SEMA3A: variants seen among roughly 807,000 people sequenced by gnomAD.
The protein encoded by SEMA3A is semaphorin-3A.
In SEMA3A, 29 loss-of-function variants were observed where a neutral mutation model predicts 97.9. That is an observed-to-expected ratio of 0.30 (90% CI 0.22 to 0.40). The LOEUF (loss-of-function observed/expected upper bound fraction) is 0.40. Ranked by LOEUF, SEMA3A falls within the 10% of genes least tolerant of loss-of-function variation. SEMA3A has a pLI of 1.00. For missense variants in SEMA3A, 763 were observed against 951.3 expected, an observed-to-expected ratio of 0.80 and a Z score of 2.60; for synonymous variants, 321 against 323.7, an observed-to-expected ratio of 0.99 and a Z score of 0.09.
At chr7:84,300,881 C>T (rs1457900060) in intron 3 of SEMA3A, among the ~76,000 whole-genome samples, 3 of 152,016 alleles carry the variant, frequency 2.0e-5, no homozygotes, top group African/African-American at 7.2e-5. Flanking sequence ...GAAAAGTACA[C>T]AATGTGAGTG....
chr7:84,411,943 T>C (rs986909821), intron 1 of SEMA3A, among the ~76,000 whole-genome samples: 2 of 152,160 alleles, frequency 1.3e-5, no homozygotes, highest in African/African-American at 4.8e-5. Context: ...CATTCTTTTG[T>C]GGTTCTTCCT....
chr7:84,095,060 A>G (rs990032737), intron 4 of SEMA3A, among the ~76,000 whole-genome samples: 3 of 150,180 alleles, frequency 2.0e-5, no homozygotes, highest in Non-Finnish European at 4.4e-5. Context: ...CAAAATATAT[A>G]CTGTATATAG....
chr7:84,165,072 G>A (rs544801839), intron 1 of SEMA3A, among the ~76,000 whole-genome samples: 2 of 152,238 alleles, frequency 1.3e-5, no homozygotes, highest in African/African-American at 2.4e-5. Flanking sequence ...GCCAGGCATA[G>A]TGGCACGTGC....
chr7:83,987,183 T>C (rs1331589381), intron 12 of SEMA3A, among the ~76,000 whole-genome samples: 1 of 151,600 alleles, frequency 6.6e-6, no homozygotes, highest in Non-Finnish European at 1.5e-5. Flanking sequence ...TCACACATCC[T>C]AAAGCAGAAT....
chr7:84,432,534 C>G (rs2116321908), intron 1 of SEMA3A, among the ~76,000 whole-genome samples: 1 of 152,244 alleles, frequency 6.6e-6, no homozygotes, highest in Middle Eastern at 3.4e-3. Context: ...CCCTTCACAT[C>G]TCCCTCCCTC....
At chr7:84,173,778 A>G (rs1797473491) in intron 1 of SEMA3A, among the ~76,000 whole-genome samples, 1 of 152,052 alleles carries the variant, frequency 6.6e-6, no homozygotes, top group Non-Finnish European at 1.5e-5. Context: ...GCAGATTGGG[A>G]ACTGGGCCAC....
At chr7:83,971,239 A>G (rs1478779051) in intron 15 of SEMA3A, among the ~76,000 whole-genome samples, 1 of 152,098 alleles carries the variant, frequency 6.6e-6, no homozygotes, top group East Asian at 1.9e-4. Context: ...AGCCTGACCA[A>G]CGTGATGAAA....
At chr7:84,195,383 C>T (rs1197955689), upstream of SEMA3A, 3 of 151,944 alleles carry the variant, frequency 2.0e-5, no homozygotes, top group African/African-American at 7.3e-5. Context: ...AATTCATGCT[C>T]ATTATACAAT....
intron 11 of SEMA3A, among the ~76,000 whole-genome samples, chr7:84,003,406 C>G (rs556868684): frequency 5.9e-5 from 9 of 152,112 alleles, no homozygotes; most frequent in Non-Finnish European, 1.0e-4. Context: ...CAAATTGAAT[C>G]AGATTACTCA....
intron 1 of SEMA3A, among the ~76,000 whole-genome samples, chr7:84,172,235 T>C (rs1246343044): frequency 1.3e-5 from 2 of 152,188 alleles, no homozygotes; most frequent in South Asian, 2.1e-4. Context: ...ATAAATATTT[T>C]TGACACTCTA....
rs1278503811 is a variant in SEMA3A, at chr7:84,168,097, G to A, written c.112+26378C>T. Among the ~76,000 whole-genome samples, 3 of 151,958 alleles carry A rather than the reference G, an allele frequency of 2.0e-5. No individual in the cohort carries two copies. In the South Asian group the frequency reaches 6.2e-4, roughly 32 times the overall value. On this transcript the variant is annotated intron_variant, in intron 1 of 16. Coordinates refer to ENST00000265362, the MANE Select transcript of SEMA3A (RefSeq NM_006080.3). ...GAAGAAATAAGGCACCATATTTTAA[G>A]GTCAAAGATAATTTATACGCAAGTG...
At chr7:84,124,214 T>C (rs2115998882) in intron 3 of SEMA3A, among the ~76,000 whole-genome samples, 1 of 152,312 alleles carries the variant, frequency 6.6e-6, no homozygotes, top group Non-Finnish European at 1.5e-5. Flanking sequence ...TTTCCTATTG[T>C]AGCCTTCTAT....
chr7:84,127,412 A>G (rs1795831656), intron 3 of SEMA3A, among the ~76,000 whole-genome samples: 1 of 151,998 alleles, frequency 6.6e-6, no homozygotes, highest in Admixed American at 6.6e-5. Flanking sequence ...TTTGCTTCTT[A>G]GCTATAAATT....
In SEMA3A at chr7:84,079,484, A is replaced by T. The variant is rs539748497; in HGVS notation, c.454-18926T>A. On this transcript the variant is annotated intron_variant, in intron 4 of 16. Transcript: ENST00000265362. Reference sequence around the variant, plus strand: ...AAAAGGCTAATATCCAGAATCTACAATGAACTCAAACAAATTTACAAGAAA... The same window carrying T: ...AAAAGGCTAATATCCAGAATCTACATTGAACTCAAACAAATTTACAAGAAA... Among the ~76,000 whole-genome samples, 915 of 151,754 alleles carry T rather than the reference A, an allele frequency of 6.0e-3. 12 individuals carry two copies. Among genetic ancestry groups the T allele is most frequent in the African/African-American group, 0.021 (862 of 41,382 alleles).
rs565277353 is a variant in SEMA3A, at chr7:84,075,671, G to A, written c.454-15113C>T. Among the ~76,000 whole-genome samples the A allele has an allele frequency of 3.3e-3, 509 of 152,142 alleles. 1 individual carries two copies. The highest frequency in any genetic ancestry group is 0.012 in the African/African-American group (483 of 41,508). Reference sequence around the variant, plus strand: ...GGTGTTTTACCATATTGGCCAGGCTGATCTCGAACTCCTGGCCTCAAGTGA... The same window carrying A: ...GGTGTTTTACCATATTGGCCAGGCTAATCTCGAACTCCTGGCCTCAAGTGA... On this transcript the variant is annotated intron_variant, in intron 4 of 16. Coordinates refer to ENST00000265362, the MANE Select transcript of SEMA3A (RefSeq NM_006080.3).
intron 12 of SEMA3A, among the ~76,000 whole-genome samples, chr7:83,995,747 T>G (rs1241397497): frequency 1.3e-5 from 2 of 152,178 alleles, no homozygotes; most frequent in Admixed American, 6.5e-5. Flanking sequence ...CTTTCTATGT[T>G]CCAATTTACA....
At chr7:84,069,802 C>T (rs1449969049) in intron 4 of SEMA3A, among the ~76,000 whole-genome samples, 10 of 152,018 alleles carry the variant, frequency 6.6e-5, no homozygotes, top group East Asian at 5.8e-4. Flanking sequence ...AATTTAAAGT[C>T]ATTTATATGA....
chr7:84,150,979 C>A (rs577423785), intron 1 of SEMA3A, among the ~76,000 whole-genome samples: 1 of 148,990 alleles, frequency 6.7e-6, no homozygotes, highest in Non-Finnish European at 1.5e-5. Flanking sequence ...AGCAGGGGCA[C>A]ACTGACACCT....
At chr7:84,323,195 T>C (rs565988713) in intron 2 of SEMA3A, among the ~76,000 whole-genome samples, 9 of 152,226 alleles carry the variant, frequency 5.9e-5, no homozygotes, top group Non-Finnish European at 1.0e-4. Context: ...TAGCTATCAA[T>C]AGATTGACTT....
Sources: allele counts gnomAD v4.1 joint callset (sites outside exome capture counted in the v4.1 genomes callset), GRCh38; gene constraint gnomAD v4.1.1; transcripts MANE v1.5; gene names NCBI Gene and HGNC (gene_info 2026-07-23, HGNC 2026-07-21).